Variants in CEP97 observed in about 807,000 individuals in gnomAD.
CEP97 encodes centrosomal protein of 97 kDa.
A neutral mutation model predicts 73.1 loss-of-function variants in CEP97; 43 were observed. The observed-to-expected ratio is 0.59, with a 90% CI of 0.46 to 0.76. The LOEUF (loss-of-function observed/expected upper bound fraction) is 0.76. Among genes scored for constraint, CEP97 ranks in the 30% least tolerant of loss-of-function variants. CEP97 has a pLI of 0.00. For missense variants in CEP97, 939 were observed against 1,014.0 expected (o/e 0.93, Z 1.00); for synonymous variants, 337 against 370.0 (o/e 0.91, Z 1.02).
intron 5 of CEP97, among the ~76,000 whole-genome samples, 185 bp from the exon 6 acceptor site, chr3:101,732,302 AT>A (rs1373861692): frequency 1.3e-5 from 2 of 152,152 alleles, no homozygotes; most frequent in Non-Finnish European, 2.9e-5. Context: ...TTGCCAGGGG[AT>A]TTTGTGCAGC....
chr3:101,747,062 C>A, intron 6 of CEP97, among the ~76,000 whole-genome samples: 6 of 142,636 alleles, frequency 4.2e-5, no homozygotes, highest in Admixed American at 7.1e-5. Context: ...GAAACAGGAA[C>A]ACTTTTACAC....
chr3:101,736,596 C>G (rs1192379500), intron 6 of CEP97, among the ~76,000 whole-genome samples: 1 of 152,170 alleles, frequency 6.6e-6, no homozygotes, highest in African/African-American at 2.4e-5. Flanking sequence ...AGACCTGCAG[C>G]AGAGGGGCAT....
intron 6 of CEP97, among the ~76,000 whole-genome samples, chr3:101,750,701 G>A (rs1425076484): frequency 6.6e-6 from 1 of 152,158 alleles, no homozygotes; most frequent in Non-Finnish European, 1.5e-5. Context: ...TATTTGCGTA[G>A]AGGTGTTTGT....
At position 101,757,904 on chromosome 3, in the gene CEP97, ATG is replaced by A; in HGVS notation, c.1299_1300del (p.Asp433GlufsTer5). 6.2e-7 allele frequency: 1 copy of A among 1,614,240 alleles called. No homozygotes were observed. Among genetic ancestry groups the A allele is most frequent in the Non-Finnish European group, 8.5e-7 (1 of 1,180,038 alleles). On this transcript the variant is annotated frameshift_variant, in exon 9 of 11. Transcript: ENST00000341893. LOFTEE classifies it high-confidence loss of function. ...GGCATTAACTTGGGCCTAGAAGATGATGGTGTTGCAGATGAATCTGTGAAAGG... is the reference window on the plus strand; with the variant it reads ...GGCATTAACTTGGGCCTAGAAGATGAGTGTTGCAGATGAATCTGTGAAAGG...
chr3:101,751,407 G>A (rs1329460681), intron 6 of CEP97, among the ~76,000 whole-genome samples: 3 of 152,168 alleles, frequency 2.0e-5, no homozygotes, highest in Non-Finnish European at 2.9e-5. Flanking sequence ...GGGGTGGAGA[G>A]TTCTGTAGAT....
In CEP97 at chr3:101,762,528, CAAG is replaced by C; in HGVS notation, c.1868_1870del (p.Glu623del). 1 of 1,611,002 alleles carries C rather than the reference CAAG, an allele frequency of 6.2e-7. No individual in the cohort carries two copies. The highest frequency in any genetic ancestry group is 1.3e-5 in the African/African-American group (1 of 74,856). On this transcript the variant is annotated inframe_deletion, in exon 10 of 11. Transcript: ENST00000341893. Reference sequence around the variant, plus strand: ...TGAAGAACGTATTAAAAAATTTGTACAAGAAGAAGCTTTCAGATTCCTTTGGAA... The same window carrying C: ...TGAAGAACGTATTAAAAAATTTGTACAAGAAGCTTTCAGATTCCTTTGGAA...
At chr3:101,746,821 C>A (rs1314304437) in intron 6 of CEP97, among the ~76,000 whole-genome samples, 1 of 149,676 alleles carries the variant, frequency 6.7e-6, no homozygotes, top group African/African-American at 2.4e-5. Flanking sequence ...TGAACTCAAA[C>A]AAATTTACAA....
intron 6 of CEP97, among the ~76,000 whole-genome samples, chr3:101,739,683 G>A (rs1938385835): frequency 6.6e-6 from 1 of 152,086 alleles, no homozygotes; most frequent in African/African-American, 2.4e-5. Context: ...CGAGGTGGGT[G>A]GATCATGAGG....
chr3:101,737,634 A>C (rs1328025445), intron 6 of CEP97, among the ~76,000 whole-genome samples: 2 of 152,220 alleles, frequency 1.3e-5, no homozygotes, highest in African/African-American at 4.8e-5. Context: ...ACACACAAGC[A>C]AAGGCTGAGA....
In CEP97 at chr3:101,770,173, C is replaced by A. The variant is rs1486199715; in HGVS notation, c.*4622C>A. 1.3e-5 allele frequency: 2 copies of A among 152,074 alleles called. No individual in the cohort carries two copies. The highest frequency in any genetic ancestry group is 2.9e-5 in the Non-Finnish European group (2 of 68,072). The allele number at this position is 152,074 out of a possible 1,614,324, so 9.4% of individuals were successfully genotyped here. A position where few individuals can be genotyped will look rare whatever the true frequency, so the allele number is the denominator to read the frequency against. ...CCGAGTAGCTAAGACTACAGGCACACGCCACCATGCCCAGCTAATTTTTAT... is the reference window on the plus strand; with the variant it reads ...CCGAGTAGCTAAGACTACAGGCACAAGCCACCATGCCCAGCTAATTTTTAT... On this transcript the variant is annotated 3_prime_UTR_variant, in exon 11 of 11. Transcript: ENST00000341893.
chr3:101,745,658 C>A (rs541986491), intron 6 of CEP97, among the ~76,000 whole-genome samples: 1 of 151,832 alleles, frequency 6.6e-6, no homozygotes, highest in East Asian at 1.9e-4. Context: ...GCGGCTTCAA[C>A]AATTGTCAAT....
rs1297741048 is a variant in CEP97 at position 101,765,664 on chromosome 3, A to G, written c.*113A>G. The G allele has an allele frequency of 1.3e-6, 1 of 760,452 alleles. No individual in the cohort carries two copies. The highest frequency in any genetic ancestry group is 2.1e-6 in the Non-Finnish European group (1 of 471,966). The allele number at this position is 760,452 out of a possible 1,614,324, so 47.1% of individuals were successfully genotyped here. A position where few individuals can be genotyped will look rare whatever the true frequency, so the allele number is the denominator to read the frequency against. ...TACCCCTAATTTTGTTACTACTTAT[A>G]TAGAATTTGTATTCATGTCTTATAT... On this transcript the variant is annotated 3_prime_UTR_variant, in exon 11 of 11. Transcript: ENST00000341893.
At position 101,765,241 on chromosome 3, in the gene CEP97, C is replaced by T. The variant is rs2107197735; in HGVS notation, c.2288C>T (p.Ser763Leu). The T allele has an allele frequency of 1.2e-6, 2 of 1,614,136 alleles. No homozygotes were observed. The highest frequency in any genetic ancestry group is 1.7e-6 in the Non-Finnish European group (2 of 1,180,018). ...CATGGTGAATGGAATAAGGAAAGCT[C>T]AAATAACGAGCAGGACAATAGTCTG... ...EEHGEWNKES[S>L]NNEQDNSLLE... The change falls in exon 11 of 11, where the codon TCA becomes TTA. Residue 763 changes from serine to leucine, a missense_variant. By Grantham distance (145) the Ser-to-Leu change is moderately radical. Coordinates refer to ENST00000341893, the MANE Select transcript of CEP97 (RefSeq NM_024548.4).
intron 8 of CEP97, 77 bp downstream of exon 8, chr3:101,757,273 G>C (rs1939034556): frequency 6.7e-7 from 1 of 1,482,246 alleles, no homozygotes; most frequent in African/African-American, 1.4e-5. Context: ...AGAAAAAGGT[G>C]CATATTTTCA....
chr3:101,729,032 C>A, intron 4 of CEP97, 95 bp downstream of exon 4: 1 of 715,558 alleles, frequency 1.4e-6, no homozygotes, highest in Non-Finnish European at 2.5e-6. Flanking sequence ...TTTGTATGAG[C>A]AGATTGCTTT....
At chr3:101,759,635 G>A (rs530119589) in intron 9 of CEP97, 17 of 152,290 alleles carry the variant, frequency 1.1e-4, no homozygotes, top group African/African-American at 3.9e-4. Flanking sequence ...TTTCAGTCAG[G>A]ATATTCCAAG....
At position 101,766,657 on chromosome 3, in the gene CEP97, ATG is replaced by A. The variant is rs1553793753; in HGVS notation, c.*1108_*1109del. 6 of 152,474 alleles carry A rather than the reference ATG, an allele frequency of 3.9e-5. No individual in the cohort carries two copies. Among genetic ancestry groups the A allele is most frequent in the Admixed American group, 6.5e-5 (1 of 15,278 alleles). 9.4% of individuals were successfully genotyped at this position (152,474 alleles called of 1,614,324 possible). A position where few individuals can be genotyped will look rare whatever the true frequency, so the allele number is the denominator to read the frequency against. ...AAAAGGGATATATATATATATATATATGTCTGCAACTTCAGGGAGAAATAAGA... is the reference window on the plus strand; with the variant it reads ...AAAAGGGATATATATATATATATATATCTGCAACTTCAGGGAGAAATAAGA... On this transcript the variant is annotated 3_prime_UTR_variant, in exon 11 of 11. Transcript: ENST00000341893.
chr3:101,739,102 C>A (rs1163609121), intron 6 of CEP97, among the ~76,000 whole-genome samples: 1 of 152,110 alleles, frequency 6.6e-6, no homozygotes, highest in Admixed American at 6.6e-5. Flanking sequence ...CACATACACC[C>A]ACCCAAGACT....
chr3:101,757,300 T>C (rs1440964583), intron 8 of CEP97, 104 bp downstream of exon 8: 3 of 1,280,438 alleles, frequency 2.3e-6, no homozygotes, highest in Non-Finnish European at 3.2e-6. Flanking sequence ...TTTGTTAGTT[T>C]ACTAACTTCA....
Sources: allele counts gnomAD v4.1 joint callset (sites outside exome capture counted in the v4.1 genomes callset), GRCh38; gene constraint gnomAD v4.1.1; transcripts MANE v1.5; gene names NCBI Gene and HGNC (gene_info 2026-07-23, HGNC 2026-07-21).